The following DHRSX variants were observed in gnomAD, a reference collection of about 807,000 sequenced individuals.
The protein encoded by DHRSX is dehydrogenase/reductase X-linked.
DHRSX carries 31 observed loss-of-function variants against 34.0 expected under a neutral mutation model. The observed-to-expected ratio is 0.91, with a 90% confidence interval of 0.69 to 1.23. The LOEUF (loss-of-function observed/expected upper bound fraction) is 1.23, where lower values mean the gene tolerates loss of function less well. Ranked by LOEUF, DHRSX falls within the 50% of genes most tolerant of loss-of-function variation. The pLI, the probability that DHRSX is intolerant of heterozygous loss-of-function variation, is 0.00. For missense variants in DHRSX, 414 were observed against 428.1 expected (o/e 0.97, Z 0.29); for synonymous variants, 201 against 183.8 (o/e 1.09, Z -0.76).
chrX:2,263,252 G>C (rs2041388227), intron 5 of DHRSX, among the ~76,000 whole-genome samples: 1 of 152,178 alleles, frequency 6.6e-6, no homozygotes, highest in East Asian at 1.9e-4. Context: ...ATGGTGTTAG[G>C]AGGTGAGGCC....
At chrX:2,332,751 G>A (rs73630216) in intron 3 of DHRSX, among the ~76,000 whole-genome samples, 1 of 152,102 alleles carries the variant, frequency 6.6e-6, no homozygotes, top group Non-Finnish European at 1.5e-5. Flanking sequence ...TTCTTCCAGA[G>A]AACCAAAGCA....
intron 1 of DHRSX, among the ~76,000 whole-genome samples, chrX:2,434,773 A>T (rs1267295299): frequency 6.6e-6 from 1 of 152,248 alleles, no homozygotes; most frequent in Non-Finnish European, 1.5e-5. Context: ...ATATGCTAAG[A>T]TATACGAGAA....
At chrX:2,481,602 G>A (rs2044772276) in intron 1 of DHRSX, among the ~76,000 whole-genome samples, 8 of 151,916 alleles carry the variant, frequency 5.3e-5, no homozygotes, top group Admixed American at 5.2e-4. Context: ...GGAGGCGGAG[G>A]TTTCTGTGAG....
At chrX:2,454,079 T>C (rs753918239) in intron 1 of DHRSX, among the ~76,000 whole-genome samples, 324 of 152,062 alleles carry the variant, frequency 2.1e-3, no homozygotes, top group Middle Eastern at 3.4e-3. Flanking sequence ...AAAAATGACT[T>C]GCATTTCCAG....
intron 3 of DHRSX, among the ~76,000 whole-genome samples, chrX:2,300,642 G>A (rs1377961007): frequency 1.3e-5 from 2 of 152,250 alleles, no homozygotes; most frequent in East Asian, 3.9e-4. Context: ...GATGCTTCCT[G>A]CCCTCAAAAA....
intron 3 of DHRSX, among the ~76,000 whole-genome samples, chrX:2,360,830 G>A (rs12855928): frequency 1.2e-4 from 19 of 152,046 alleles, no homozygotes; most frequent in Middle Eastern, 3.4e-3. Context: ...CAAGAACTTC[G>A]AATTCTGCCC....
rs1249970222 is a variant in DHRSX, at chrX:2,331,436, G to GGTTTTT, written c.287-39834_287-39833insAAAAAC. Reference sequence around the variant, plus strand: ...GGAATCCTTTCAGGAAGGTTTTTTGGTTTTTTTTTTTTTTTTTTTTTTTTT... The same window carrying GGTTTTT: ...GGAATCCTTTCAGGAAGGTTTTTTGGGTTTTTTTTTTTTTTTTTTTTTTTTTTTTTT... On this transcript the variant is annotated intron_variant, in intron 3 of 6. Transcript: ENST00000334651. Among the ~76,000 whole-genome samples the GGTTTTT allele has an allele frequency of 1.5e-4, 14 of 94,664 alleles. No homozygotes were observed. The Admixed American group carries it at 1.8e-3, about 12-fold the overall frequency. The allele number at this position is 94,664 out of a possible 152,430, so 62.1% of individuals were successfully genotyped here.
At chrX:2,322,646 A>G (rs2042325880) in intron 3 of DHRSX, among the ~76,000 whole-genome samples, 1 of 149,670 alleles carries the variant, frequency 6.7e-6, no homozygotes, top group South Asian at 2.2e-4. Flanking sequence ...CCTCCTGAGT[A>G]GCTGGGATTA....
At chrX:2,480,080 A>G (rs2044746450) in intron 1 of DHRSX, among the ~76,000 whole-genome samples, 2 of 152,010 alleles carry the variant, frequency 1.3e-5, no homozygotes, top group Non-Finnish European at 1.5e-5. Flanking sequence ...TGCACTGCCA[A>G]CACTACTAAC....
chrX:2,429,823 G>T (rs932240738), intron 1 of DHRSX, among the ~76,000 whole-genome samples: 1 of 152,054 alleles, frequency 6.6e-6, no homozygotes, highest in Admixed American at 6.6e-5. Flanking sequence ...GGCAGAGGGA[G>T]AGTCAAAATA....
At chrX:2,248,995 GC>G (rs2016369479) in intron 5 of DHRSX, among the ~76,000 whole-genome samples, 1 of 151,964 alleles carries the variant, frequency 6.6e-6, no homozygotes, top group South Asian at 2.1e-4. Flanking sequence ...ATCTGCTTTT[GC>G]AAGTTGATTT....
At chrX:2,303,852 G>GAT (rs1372960887) in intron 3 of DHRSX, among the ~76,000 whole-genome samples, 45 of 38,364 alleles carry the variant, frequency 1.2e-3, no homozygotes, top group African/African-American at 2.1e-3. Flanking sequence ...TGGATGGATG[G>GAT]GTGGATGGGT....
At chrX:2,473,216 C>T (rs1299647644) in intron 1 of DHRSX, among the ~76,000 whole-genome samples, 1 of 152,152 alleles carries the variant, frequency 6.6e-6, no homozygotes, top group Non-Finnish European at 1.5e-5. Context: ...AAACCAGAAA[C>T]AAGAGACAGG....
At chrX:2,486,901 GA>G (rs2044952178) in intron 1 of DHRSX, 1 of 152,284 alleles carries the variant, frequency 6.6e-6, no homozygotes, top group Non-Finnish European at 1.5e-5. Flanking sequence ...CAGCAGCCGT[GA>G]AAGGCAGGTA....
intron 3 of DHRSX, among the ~76,000 whole-genome samples, chrX:2,343,477 A>G (rs941770953): frequency 2.0e-5 from 3 of 152,164 alleles, no homozygotes; most frequent in African/African-American, 7.2e-5. Flanking sequence ...ACCACATCCA[A>G]ACAGTTAAGG....
chrX:2,221,017 C>T lies in DHRSX; in HGVS notation c.*24G>A, dbSNP rs2015507599. ...GGCAGGTGCAATGTGTTTCTTGGGG[C>T]AGCAGCTATCCTGAGACAGGATATC... On this transcript the variant is annotated 3_prime_UTR_variant, in exon 7 of 7. Coordinates refer to ENST00000334651, the MANE Select transcript of DHRSX (RefSeq NM_145177.3). 3 of 1,609,110 alleles carry T rather than the reference C, an allele frequency of 1.9e-6. No individual in the cohort carries two copies. Among genetic ancestry groups the T allele is most frequent in the Non-Finnish European group, 2.5e-6 (3 of 1,177,194 alleles).
chrX:2,271,747 C>A (rs1320913638), intron 4 of DHRSX, among the ~76,000 whole-genome samples: 2 of 152,032 alleles, frequency 1.3e-5, no homozygotes, highest in Admixed American at 6.6e-5. Flanking sequence ...CAGGAGTTAT[C>A]CAGAAAAAAA....
At chrX:2,222,596 C>G (rs2015545855) in intron 6 of DHRSX, among the ~76,000 whole-genome samples, 1 of 152,180 alleles carries the variant, frequency 6.6e-6, no homozygotes, top group African/African-American at 2.4e-5. Flanking sequence ...ACCAGTGCCC[C>G]TAGCACTGCA....
At chrX:2,490,340 G>A (rs1308585565) in intron 1 of DHRSX, 3 of 1,613,222 alleles carry the variant, frequency 1.9e-6, no homozygotes, top group South Asian at 2.2e-5. Context: ...CACGGCGGCC[G>A]TCAGCTCCTG....
Sources: gnomAD v4.1 joint callset for allele counts (sites outside exome capture counted in the v4.1 genomes callset) on GRCh38, gnomAD v4.1.1 for gene constraint, MANE v1.5 for transcripts, NCBI Gene and HGNC (gene_info 2026-07-23, HGNC 2026-07-21) for gene names.